Variants in DPP10 observed in about 807,000 individuals in gnomAD.
DPP10 encodes the protein dipeptidyl peptidase like 10.
DPP10 carries 33 observed loss-of-function variants against 120.9 expected under a neutral mutation model. The observed-to-expected ratio is 0.27, with a 90% CI of 0.21 to 0.37. The LOEUF (loss-of-function observed/expected upper bound fraction) is 0.37. Ranked by LOEUF, DPP10 falls within the 10% of genes least tolerant of loss-of-function variation. DPP10 has a pLI of 1.00. For missense variants in DPP10, 816 were observed against 942.8 expected, an observed-to-expected ratio of 0.87 and a Z score of 1.76; for synonymous variants, 337 against 326.1, an observed-to-expected ratio of 1.03 and a Z score of -0.36.
At chr2:114,813,606 T>C (rs1037011257) in intron 1 of DPP10, among the ~76,000 whole-genome samples, 1 of 152,206 alleles carries the variant, frequency 6.6e-6, no homozygotes, top group Non-Finnish European at 1.5e-5. Flanking sequence ...TTATTCTAGT[T>C]TGGAGTCTTT....
intron 19 of DPP10, among the ~76,000 whole-genome samples, chr2:115,800,106 G>T (rs549332310): frequency 6.6e-6 from 1 of 150,932 alleles, no homozygotes; most frequent in Non-Finnish European, 1.5e-5. Context: ...GTTGTTTCCT[G>T]ACTTTTTAAT....
At chr2:115,341,949 G>C (rs948862752) in intron 2 of DPP10, among the ~76,000 whole-genome samples, 2 of 152,040 alleles carry the variant, frequency 1.3e-5, no homozygotes, top group African/African-American at 4.8e-5. Context: ...ACCTCCTTTT[G>C]GGTAAATACA....
At chr2:114,584,738 T>A (rs1185425113) in intron 1 of DPP10, among the ~76,000 whole-genome samples, 1 of 152,112 alleles carries the variant, frequency 6.6e-6, no homozygotes, top group Non-Finnish European at 1.5e-5. Flanking sequence ...CATTTGAACT[T>A]GTCGTGGCCT....
chr2:114,937,200 T>G (rs1458515590), intron 1 of DPP10, among the ~76,000 whole-genome samples: 4 of 152,174 alleles, frequency 2.6e-5, no homozygotes, highest in African/African-American at 9.7e-5. Flanking sequence ...TGAAGTTATC[T>G]TCTAGGATCT....
intron 1 of DPP10, among the ~76,000 whole-genome samples, chr2:114,927,051 G>C (rs977883190): frequency 6.6e-6 from 1 of 151,814 alleles, no homozygotes; most frequent in African/African-American, 2.4e-5. Context: ...GGGTTTCACT[G>C]TGTTAGCCAG....
intron 1 of DPP10, among the ~76,000 whole-genome samples, chr2:114,869,188 A>G (rs1478053991): frequency 6.6e-6 from 1 of 152,134 alleles, no homozygotes; most frequent in East Asian, 1.9e-4. Context: ...GAACTACGAA[A>G]TATTGTGTAC....
At chr2:114,937,813 T>A (rs1300177460) in intron 1 of DPP10, among the ~76,000 whole-genome samples, 2 of 152,158 alleles carry the variant, frequency 1.3e-5, no homozygotes, top group African/African-American at 4.8e-5. Flanking sequence ...ACCTCTGCCA[T>A]ATTTTCTAAA....
At chr2:115,701,627 T>A (rs1421968946) in intron 7 of DPP10, among the ~76,000 whole-genome samples, 1 of 152,120 alleles carries the variant, frequency 6.6e-6, no homozygotes, top group Non-Finnish European at 1.5e-5. Flanking sequence ...TTAAAACTTT[T>A]GTGCATCAAG....
chr2:115,711,919 T>G (rs1318756431), intron 7 of DPP10, among the ~76,000 whole-genome samples: 3 of 70,750 alleles, frequency 4.2e-5, no homozygotes, highest in Non-Finnish European at 9.0e-5. Flanking sequence ...TGGTCTGGTT[T>G]TTTTTTTTTT....
chr2:115,789,072 C>T (rs112688807), intron 17 of DPP10, among the ~76,000 whole-genome samples: 3 of 151,564 alleles, frequency 2.0e-5, no homozygotes, highest in South Asian at 2.1e-4. Context: ...GAGCCGAGAT[C>T]ACACCACTGC....
intron 1 of DPP10, among the ~76,000 whole-genome samples, chr2:115,196,735 C>T (rs1445767629): frequency 6.6e-6 from 1 of 152,104 alleles, no homozygotes; most frequent in East Asian, 1.9e-4. Context: ...ATTGTTAAGG[C>T]ATTCATGAAT....
chr2:115,688,485 T>C (rs1035060943), intron 5 of DPP10, among the ~76,000 whole-genome samples: 1 of 152,184 alleles, frequency 6.6e-6, no homozygotes, highest in Admixed American at 6.6e-5. Flanking sequence ...AAAGAAGCTT[T>C]TACAATTGCA....
intron 3 of DPP10, among the ~76,000 whole-genome samples, chr2:115,425,957 C>T (rs1228592554): frequency 6.6e-6 from 1 of 152,222 alleles, no homozygotes; most frequent in African/African-American, 2.4e-5. Context: ...CTCGTGAGAA[C>T]TGACTTAATA....
intron 1 of DPP10, among the ~76,000 whole-genome samples, chr2:114,737,197 T>C (rs1434557417): frequency 6.6e-6 from 1 of 152,200 alleles, no homozygotes; most frequent in Non-Finnish European, 1.5e-5. Flanking sequence ...TATGTGCTTA[T>C]TCTCAGCTCA....
intron 1 of DPP10, among the ~76,000 whole-genome samples, chr2:114,666,600 C>T (rs1468987788): frequency 6.6e-6 from 1 of 152,162 alleles, no homozygotes; most frequent in Non-Finnish European, 1.5e-5. Flanking sequence ...TATAGGCAAC[C>T]TCTAAAGTCC....
intron 1 of DPP10, among the ~76,000 whole-genome samples, chr2:115,142,105 A>C (rs1391892902): frequency 6.6e-5 from 10 of 152,190 alleles, no homozygotes; most frequent in Non-Finnish European, 1.5e-4. Context: ...ATAGTTAAAT[A>C]AGATACAGTT....
At chr2:115,291,108 C>T (rs2060635815) in intron 1 of DPP10, among the ~76,000 whole-genome samples, 1 of 152,020 alleles carries the variant, frequency 6.6e-6, no homozygotes, top group African/African-American at 2.4e-5. Flanking sequence ...GACTCAAGAG[C>T]TTCTTTCATC....
chr2:115,508,109 G>A (rs1309083522), intron 4 of DPP10, among the ~76,000 whole-genome samples: 2 of 152,124 alleles, frequency 1.3e-5, no homozygotes, highest in East Asian at 3.9e-4. Flanking sequence ...ACATGTTTAT[G>A]CATGTTTTCT....
intron 5 of DPP10, among the ~76,000 whole-genome samples, chr2:115,539,590 A>G (rs1052151923): frequency 3.3e-5 from 5 of 151,984 alleles, no homozygotes; most frequent in African/African-American, 4.8e-5. Context: ...TCTGAAATAC[A>G]TCATACCATA....
Sources: allele counts gnomAD v4.1 joint callset (sites outside exome capture counted in the v4.1 genomes callset), GRCh38; gene constraint gnomAD v4.1.1; transcripts MANE v1.5; gene names NCBI Gene and HGNC (gene_info 2026-07-23, HGNC 2026-07-21).